PPARGC1A: variants seen among roughly 807,000 people sequenced by gnomAD.
PPARGC1A encodes peroxisome proliferator-activated receptor gamma coactivator 1-alpha.
Under a neutral mutation model 88.7 loss-of-function variants are expected in PPARGC1A, and 25 were observed. The observed-to-expected ratio is 0.28, with a 90% CI of 0.21 to 0.39. The LOEUF (loss-of-function observed/expected upper bound fraction) is 0.39, where lower values mean the gene tolerates loss of function less well. Ranked by LOEUF, PPARGC1A falls within the 10% of genes least tolerant of loss-of-function variation. The pLI, the probability that PPARGC1A is intolerant of heterozygous loss-of-function variation, is 1.00. For synonymous variants in PPARGC1A, 363 were observed against 355.6 expected, an observed-to-expected ratio of 1.02 and a Z score of -0.24; for missense variants, 880 against 968.7, an observed-to-expected ratio of 0.91 and a Z score of 1.22.
At chr4:24,284,539 C>G in the PPARGC1A span, among the ~76,000 whole-genome samples, 1 of 152,124 alleles carries the variant, frequency 6.6e-6, no homozygotes, top group African/African-American at 2.4e-5. Context: ...AGGGGCAGTA[C>G]AGTGTCAAGT....
the PPARGC1A span, among the ~76,000 whole-genome samples, chr4:24,034,809 C>A: frequency 2.6e-5 from 4 of 152,128 alleles, no homozygotes; most frequent in Non-Finnish European, 5.9e-5. Context: ...GCTTTTGCTC[C>A]CTTTGATCCA....
the PPARGC1A span, among the ~76,000 whole-genome samples, chr4:24,438,791 T>C: frequency 2.6e-5 from 4 of 151,784 alleles, no homozygotes; most frequent in African/African-American, 9.7e-5. Flanking sequence ...AGTCCGTTAG[T>C]GAAAGGGATT....
the PPARGC1A span, among the ~76,000 whole-genome samples, chr4:24,171,567 T>C: frequency 2.0e-5 from 3 of 152,182 alleles, no homozygotes; most frequent in Admixed American, 1.3e-4. Context: ...TCCATGAGAT[T>C]AGGACTCTTG....
chr4:24,451,104 CAAAT>C, the PPARGC1A span, among the ~76,000 whole-genome samples: 1 of 152,162 alleles, frequency 6.6e-6, no homozygotes, highest in African/African-American at 2.4e-5. Flanking sequence ...GGTTCCTAAT[CAAAT>C]AAATCTTTGA....
At chr4:24,142,835 G>A in the PPARGC1A span, among the ~76,000 whole-genome samples, 3 of 152,136 alleles carry the variant, frequency 2.0e-5, no homozygotes, top group Non-Finnish European at 2.9e-5. Context: ...TGAGGCCAGA[G>A]TTCTAAGTTT....
upstream of PPARGC1A, among the ~76,000 whole-genome samples, chr4:23,902,779 C>T (rs1276080128): frequency 6.6e-6 from 1 of 152,156 alleles, no homozygotes; most frequent in African/African-American, 2.4e-5. Flanking sequence ...CCTCTCTCTT[C>T]CAAGGGAGAA....
At chr4:24,222,376 C>T in the PPARGC1A span, among the ~76,000 whole-genome samples, 1 of 152,202 alleles carries the variant, frequency 6.6e-6, no homozygotes, top group East Asian at 1.9e-4. Context: ...ACATCAACTT[C>T]TCTGTGCCTC....
the PPARGC1A span, among the ~76,000 whole-genome samples, chr4:24,143,511 A>G: frequency 2.6e-4 from 40 of 152,312 alleles, no homozygotes; most frequent in African/African-American, 9.6e-4. Context: ...AAGAATAGCA[A>G]GAAGAGCTTC....
At chr4:23,867,726 A>G (rs935181980) in intron 2 of PPARGC1A, among the ~76,000 whole-genome samples, 1 of 152,172 alleles carries the variant, frequency 6.6e-6, no homozygotes, top group Non-Finnish European at 1.5e-5. Flanking sequence ...GAAATTACCC[A>G]TCATTCCCCA....
chr4:23,876,045 TC>T (rs1714629586), intron 2 of PPARGC1A: 1 of 152,240 alleles, frequency 6.6e-6, no homozygotes. Flanking sequence ...CTACTAAAGT[TC>T]CAAGCTACCC....
the PPARGC1A span, among the ~76,000 whole-genome samples, chr4:23,911,864 G>A: frequency 6.6e-6 from 1 of 152,112 alleles, no homozygotes; most frequent in Non-Finnish European, 1.5e-5. Flanking sequence ...TGGGCACACT[G>A]TTGTGCAGCA....
intron 1 of PPARGC1A, chr4:23,889,503 A>G: frequency 2.3e-6 from 1 of 433,368 alleles, no homozygotes; most frequent in Non-Finnish European, 3.1e-6. Context: ...CATCCATTTT[A>G]ATATTTTTAT....
chr4:24,379,895 C>T, the PPARGC1A span, among the ~76,000 whole-genome samples: 1 of 151,514 alleles, frequency 6.6e-6, no homozygotes, highest in African/African-American at 2.4e-5. Flanking sequence ...TCTTCTGCCT[C>T]AGCCTCCCAA....
upstream of PPARGC1A, among the ~76,000 whole-genome samples, chr4:23,892,544 G>GTTTTTTTTTTTTTTT (rs34009315): frequency 2.1e-5 from 3 of 144,102 alleles, no homozygotes; most frequent in Non-Finnish European, 3.0e-5. Flanking sequence ...CTTCAGTCCA[G>GTTTTTTTTTTTTTTT]TTTTTTTTTT....
chr4:23,936,331 G>A, the PPARGC1A span, among the ~76,000 whole-genome samples: 1,036 of 152,264 alleles, frequency 6.8e-3, 7 homozygotes, highest in Admixed American at 9.7e-3. Flanking sequence ...TAGCTACTAA[G>A]TGAAAGACCC....
intron 2 of PPARGC1A, among the ~76,000 whole-genome samples, chr4:23,870,678 C>T (rs1466925790): frequency 6.6e-6 from 1 of 152,136 alleles, no homozygotes; most frequent in South Asian, 2.1e-4. Context: ...ATAAAATGTG[C>T]TCCATCTGAG....
chr4:23,947,736 G>T, the PPARGC1A span, among the ~76,000 whole-genome samples: 1 of 152,040 alleles, frequency 6.6e-6, no homozygotes, highest in Non-Finnish European at 1.5e-5. Context: ...ACATCCTCAG[G>T]TTCCTGGCTT....
At chr4:24,352,167 C>A in the PPARGC1A span, among the ~76,000 whole-genome samples, 1 of 151,844 alleles carries the variant, frequency 6.6e-6, no homozygotes, top group Non-Finnish European at 1.5e-5. Flanking sequence ...AGCCTGGGAT[C>A]GGAGGGACAG....
At chr4:24,244,448 G>A in the PPARGC1A span, among the ~76,000 whole-genome samples, 13 of 152,288 alleles carry the variant, frequency 8.5e-5, no homozygotes, top group African/African-American at 3.1e-4. Context: ...CTTAATAGGT[G>A]AAGAGGTTAA....
Sources: allele counts gnomAD v4.1 joint callset (sites outside exome capture counted in the v4.1 genomes callset), GRCh38; gene constraint gnomAD v4.1.1; transcripts MANE v1.5; gene names NCBI Gene and HGNC (gene_info 2026-07-23, HGNC 2026-07-21).